Variants in PLEKHG5 observed in about 807,000 individuals in gnomAD.
PLEKHG5 encodes pleckstrin homology domain-containing family G member 5.
Under a neutral mutation model 103.8 loss-of-function variants are expected in PLEKHG5, and 52 were observed. The observed-to-expected ratio is 0.50, with a 90% CI of 0.40 to 0.63. The LOEUF is 0.63. Among genes scored for constraint, PLEKHG5 ranks in the 30% least tolerant of loss-of-function variants. The pLI is 0.00. For synonymous variants in PLEKHG5, 592 were observed against 575.5 expected (o/e 1.03, Z -0.41); for missense variants, 1,205 against 1,347.6 (o/e 0.89, Z 1.66).
At chr1:6,514,765 G>GAA (rs145567355) in intron 1 of PLEKHG5, among the ~76,000 whole-genome samples, 2 of 121,550 alleles carry the variant, frequency 1.6e-5, no homozygotes. Context: ...CATCTTGAAG[G>GAA]AAAAAAAAAA....
intron 8 of PLEKHG5, 33 bp from the exon 9 acceptor site, chr1:6,473,207 A>G (rs969586502): frequency 5.0e-6 from 8 of 1,612,870 alleles, no homozygotes; most frequent in Non-Finnish European, 5.9e-6. Flanking sequence ...GTCAGGGGTC[A>G]TGGCCAGCCA....
At position 6,486,252 on chromosome 1, in the gene PLEKHG5, C is replaced by A. The variant is rs996683795; in HGVS notation, c.-88+5385G>T. On this transcript the variant is annotated intron_variant, in intron 1 of 20. Coordinates refer to ENST00000377728, the MANE Select transcript of PLEKHG5 (RefSeq NM_020631.6). The surrounding 1 kb of genome is among the most constrained non-coding windows in gnomAD (Gnocchi z 5.3). The stretch of plus-strand genomic sequence containing the variant: ...GGGGGAGGCCAGGATGGGGCACACT[C>A]CCCTCAGGGTCCTTGGTCCGGCTCT... Among the ~76,000 whole-genome samples the A allele has an allele frequency of 6.6e-6, 1 of 152,108 alleles. No individual in the cohort carries two copies. Among genetic ancestry groups the A allele is most frequent in the Non-Finnish European group, 1.5e-5 (1 of 67,992 alleles).
upstream of PLEKHG5, chr1:6,497,049 G>A (rs1391097760): frequency 2.0e-6 from 3 of 1,500,754 alleles, no homozygotes; most frequent in Admixed American, 4.3e-5. This position sits in a 1 kb window ranked among gnomAD's most constrained non-coding sequence, Gnocchi z 6.1. Context: ...CCTGAATTTG[G>A]CCCCCTCCAA....
In PLEKHG5 at chr1:6,469,788, A is replaced by G. The variant is rs1037287991; in HGVS notation, c.1801-112T>C. The stretch of plus-strand genomic sequence containing the variant: ...GTTTTTGTCAAACACTCCTCCCACC[A>G]TGAACCTTCAAGTAAAATTAAAATG... On this transcript the variant is annotated intron_variant, in intron 16 of 20. Transcript: ENST00000377728. The G allele has an allele frequency of 8.7e-6, 8 of 916,444 alleles. No individual in the cohort carries two copies. In the African/African-American group the frequency reaches 1.0e-4, roughly 11 times the overall value. The allele number at this position is 916,444 out of a possible 1,614,324, so 56.8% of individuals were successfully genotyped here.
upstream of PLEKHG5, among the ~76,000 whole-genome samples, chr1:6,493,549 C>T (rs991474726): frequency 6.6e-6 from 1 of 152,194 alleles, no homozygotes; most frequent in Non-Finnish European, 1.5e-5. Context: ...ATAAGAATAA[C>T]GCTGTTCTCC....
chr1:6,518,256 A>G (rs1252471651), intron 1 of PLEKHG5, among the ~76,000 whole-genome samples: 1 of 151,688 alleles, frequency 6.6e-6, no homozygotes, highest in Non-Finnish European at 1.5e-5. Context: ...ATTAAAAGTA[A>G]ACTTGAAAAT....
chr1:6,508,409 C>A (rs1249130905), intron 1 of PLEKHG5, among the ~76,000 whole-genome samples: 1 of 152,220 alleles, frequency 6.6e-6, no homozygotes, highest in Non-Finnish European at 1.5e-5. Flanking sequence ...GTCTCCCACG[C>A]TCCTTCCATA....
At chr1:6,501,224 G>A (rs933906253), upstream of PLEKHG5, among the ~76,000 whole-genome samples, 19 of 151,920 alleles carry the variant, frequency 1.3e-4, no homozygotes, top group Non-Finnish European at 1.9e-4. The surrounding 1 kb of genome is among the most constrained non-coding windows in gnomAD (Gnocchi z 4.3). Flanking sequence ...TCGCCCCACC[G>A]CAGGCCCCTC....
intron 1 of PLEKHG5, chr1:6,485,470 G>C (rs1286462653): frequency 1.6e-6 from 2 of 1,247,054 alleles, no homozygotes; most frequent in East Asian, 3.2e-5. Context: ...CGCGGTCTGC[G>C]CCGCCCGCCG....
intron 1 of PLEKHG5, among the ~76,000 whole-genome samples, chr1:6,502,920 G>A (rs900187306): frequency 2.0e-5 from 3 of 152,184 alleles, no homozygotes; most frequent in Non-Finnish European, 2.9e-5. Context: ...CCTCTCTGCC[G>A]GCCCCGGGGA....
chr1:6,494,874 G>T (rs544964318), upstream of PLEKHG5, among the ~76,000 whole-genome samples: 60 of 152,370 alleles, frequency 3.9e-4, no homozygotes, highest in African/African-American at 1.4e-3. Context: ...ACCCTCATCA[G>T]CTGATGCCAA....
upstream of PLEKHG5, chr1:6,497,271 GC>G: frequency 4.4e-6 from 4 of 910,796 alleles, no homozygotes; most frequent in Middle Eastern, 3.2e-4. This position sits in a 1 kb window ranked among gnomAD's most constrained non-coding sequence, Gnocchi z 6.1. Context: ...AGCCGGCCCG[GC>G]CCCCCAGGAC....
intron 1 of PLEKHG5, among the ~76,000 whole-genome samples, chr1:6,516,360 T>C (rs1306614697): frequency 6.6e-6 from 1 of 152,130 alleles, no homozygotes; most frequent in Non-Finnish European, 1.5e-5. Context: ...CGTGAAGCCA[T>C]TAAAAAGGAT....
At chr1:6,516,114 C>T (rs1400518435) in intron 1 of PLEKHG5, among the ~76,000 whole-genome samples, 2 of 152,336 alleles carry the variant, frequency 1.3e-5, no homozygotes, top group East Asian at 3.9e-4. Context: ...ACAAGAATGT[C>T]CACTATGGCA....
chr1:6,483,726 C>A (rs1470207209), intron 1 of PLEKHG5, among the ~76,000 whole-genome samples: 1 of 152,264 alleles, frequency 6.6e-6, no homozygotes, highest in Non-Finnish European at 1.5e-5. Context: ...TCTACCCACA[C>A]CCTCACCCTG....
chr1:6,469,047 C>G lies in PLEKHG5; in HGVS notation c.2244G>C (p.Gln748His), dbSNP rs1569839599. The G allele has an allele frequency of 6.2e-7, 1 of 1,613,350 alleles. No homozygotes were observed. The highest frequency in any genetic ancestry group is 1.6e-4 in the Middle Eastern group (1 of 6,062). ...MRKSSGSPDS[Q>H]HCASDGSTET... ...GTGGTCATGAGCAGACGTACCAGTG[C>G]TGAGAGTCGGGGCTGCCGCTGCTTT... Residue 748 changes from glutamine (Q) to histidine (H), a missense_variant, in exon 19 of 21, where the codon CAG (glutamine) becomes CAC (histidine). Coordinates refer to ENST00000377728, the MANE Select transcript of PLEKHG5 (RefSeq NM_020631.6).
Position 6,469,407 on chromosome 1 carries a change from T to C in PLEKHG5, c.1977A>G (p.Val659=). 1 of 1,614,128 alleles carries C rather than the reference T, an allele frequency of 6.2e-7. No homozygotes were observed. The highest frequency in any genetic ancestry group is 1.1e-5 in the South Asian group (1 of 91,064). ...CACTGGCCTGGAACGTGTAGGCCCC[T>C]ACAGCACTGTGAAACTCATTCAGGT... is the stretch of plus-strand genomic sequence containing the variant. ...LIYLNEFHSA[V]GAYTFQASGQ... is the part of the protein sequence containing the mutation. Residue 659 remains valine, a synonymous_variant, in exon 18 of 21, where the codon GTA becomes GTG. Transcript: ENST00000377728.
rs1322709028 is a variant in PLEKHG5 at position 6,490,583 on chromosome 1, G to C, written c.-88+1054C>G. ...GCTCAGTCGACTCAGCGCAAACTGG[G>C]GCGCGGGACGTAGGGGAATTACGGT... On this transcript the variant is annotated intron_variant, in intron 1 of 20. Coordinates refer to ENST00000377728, the MANE Select transcript of PLEKHG5 (RefSeq NM_020631.6). This position sits in a 1 kb window ranked among gnomAD's most constrained non-coding sequence, Gnocchi z 8.0. The C allele has an allele frequency of 2.1e-5, 21 of 985,310 alleles. No individual in the cohort carries two copies. Among genetic ancestry groups the C allele is most frequent in the Non-Finnish European group, 2.3e-5 (19 of 829,970 alleles). The allele number at this position is 985,310 out of a possible 1,614,324, so 61.0% of individuals were successfully genotyped here. A position where few individuals can be genotyped will look rare whatever the true frequency, so the allele number is the denominator to read the frequency against.
chr1:6,490,472 C>A lies in PLEKHG5; in HGVS notation c.-88+1165G>T, dbSNP rs1350133668. 20 of 968,314 alleles carry A rather than the reference C, an allele frequency of 2.1e-5. No individual in the cohort carries two copies. The highest frequency in any genetic ancestry group is 2.3e-5 in the Non-Finnish European group (19 of 828,904). 60.0% of individuals were successfully genotyped at this position (968,314 alleles called of 1,614,324 possible). On this transcript the variant is annotated intron_variant, in intron 1 of 20. Transcript: ENST00000377728. This position sits in a 1 kb window ranked among gnomAD's most constrained non-coding sequence, Gnocchi z 8.0. ...AGGAACAGGACCAGGGTCTCCTCCC[C>A]GGTGTCTAAGGCTCTAAGGCTCGGG...
Sources: allele counts gnomAD v4.1 joint callset (sites outside exome capture counted in the v4.1 genomes callset), GRCh38; gene constraint gnomAD v4.1.1; non-coding constraint Gnocchi (gnomAD v3.1); transcripts MANE v1.5; gene names NCBI Gene and HGNC (gene_info 2026-07-23, HGNC 2026-07-21).